The following MARCHF8 variants were observed in gnomAD, a reference collection of about 807,000 sequenced individuals.
The protein encoded by MARCHF8 is E3 ubiquitin-protein ligase MARCHF8.
In MARCHF8, 40 loss-of-function variants were observed where a neutral mutation model predicts 51.6. The observed-to-expected ratio is 0.77, with a 90% CI of 0.60 to 1.01. The LOEUF (loss-of-function observed/expected upper bound fraction) is 1.01, where lower values mean the gene tolerates loss of function less well. Among genes scored for constraint, MARCHF8 ranks in the 50% least tolerant of loss-of-function variants. MARCHF8 has a pLI of 0.00. For missense variants in MARCHF8, 685 were observed against 708.6 expected, an observed-to-expected ratio of 0.97 and a Z score of 0.38; for synonymous variants, 263 against 280.3, an observed-to-expected ratio of 0.94 and a Z score of 0.62.
At chr10:45,512,510 C>T (rs1452156859) in intron 2 of MARCHF8, among the ~76,000 whole-genome samples, 1 of 149,120 alleles carries the variant, frequency 6.7e-6, no homozygotes, top group East Asian at 2.0e-4. Flanking sequence ...GCCGCCCAGT[C>T]CGGGAGGTGA....
rs141816411 is a variant in MARCHF8 at position 45,554,870 on chromosome 10, T to C, written c.-78-21581A>G. Among the ~76,000 whole-genome samples, 670 of 151,922 alleles carry C rather than the reference T, an allele frequency of 4.4e-3. 4 individuals are homozygous for C. Among genetic ancestry groups the C allele is most frequent in the African/African-American group, 0.015 (639 of 41,450 alleles). ...AAGCGTTCAAGACCAGCCTGGCCGA[T>C]GTGATAAAACCCCGTCTCTACTAAA... On this transcript the variant is annotated intron_variant, in intron 1 of 6. Coordinates refer to the MARCHF8 transcript ENST00000319836.
chr10:45,470,618 T>A (rs1843142269), intron 3 of MARCHF8, among the ~76,000 whole-genome samples: 1 of 152,120 alleles, frequency 6.6e-6, no homozygotes, highest in Admixed American at 6.5e-5. Flanking sequence ...TGTGGGGACA[T>A]TTTTGGGGGC....
intron 1 of MARCHF8, among the ~76,000 whole-genome samples, chr10:45,590,769 A>G (rs2044670516): frequency 6.6e-6 from 1 of 152,232 alleles, no homozygotes; most frequent in African/African-American, 2.4e-5. Context: ...TATACCTGCA[A>G]TCCCAGCACT....
chr10:45,537,287 C>T (rs1010473626), upstream of MARCHF8, among the ~76,000 whole-genome samples: 1 of 152,086 alleles, frequency 6.6e-6, no homozygotes, highest in Non-Finnish European at 1.5e-5. Context: ...ATCCATTCAA[C>T]GGAATCATAT....
chr10:45,552,546 A>G (rs1032640332), intron 1 of MARCHF8, among the ~76,000 whole-genome samples: 5 of 145,038 alleles, frequency 3.4e-5, no homozygotes, highest in Non-Finnish European at 7.4e-5. Context: ...AGTTTATTTT[A>G]AATCCCTTTG....
chr10:45,486,830 ACGGAGTTTTG>A, intron 3 of MARCHF8, among the ~76,000 whole-genome samples: 1 of 117,076 alleles, frequency 8.5e-6, no homozygotes, highest in East Asian at 2.5e-4. Context: ...TTTTTTTGAG[ACGGAGTTTTG>A]CTCTTGTTGC....
upstream of MARCHF8, among the ~76,000 whole-genome samples, chr10:45,536,934 G>C (rs898481817): frequency 6.6e-6 from 1 of 150,972 alleles, no homozygotes. Context: ...AGCCATCATG[G>C]AAATACAAAT....
intron 2 of MARCHF8, among the ~76,000 whole-genome samples, chr10:45,518,223 C>G (rs1415472372): frequency 6.6e-6 from 1 of 152,112 alleles, no homozygotes; most frequent in Non-Finnish European, 1.5e-5. Flanking sequence ...GGTTATCAGG[C>G]AAGTCCTTCC....
intron 1 of MARCHF8, among the ~76,000 whole-genome samples, chr10:45,534,554 CA>C (rs2043944296): frequency 6.6e-6 from 1 of 152,122 alleles, no homozygotes; most frequent in South Asian, 2.1e-4. Flanking sequence ...TATACAAAAC[CA>C]ATTAAACGTA....
intron 2 of MARCHF8, among the ~76,000 whole-genome samples, chr10:45,511,328 G>A (rs1307422966): frequency 6.6e-6 from 1 of 152,088 alleles, no homozygotes; most frequent in East Asian, 1.9e-4. Flanking sequence ...GTCAATATAA[G>A]TCAGAATTCA....
At chr10:45,584,262 A>G (rs1184961518) in intron 1 of MARCHF8, among the ~76,000 whole-genome samples, 1 of 150,784 alleles carries the variant, frequency 6.6e-6, no homozygotes, top group Non-Finnish European at 1.5e-5. Flanking sequence ...TCATACAATA[A>G]AACACCATAC....
At chr10:45,477,202 G>GAA (rs963784777) in intron 3 of MARCHF8, among the ~76,000 whole-genome samples, 2 of 144,298 alleles carry the variant, frequency 1.4e-5, no homozygotes, top group African/African-American at 5.1e-5. Flanking sequence ...AGTGCTAAAA[G>GAA]AAAAAAAAAA....
At chr10:45,493,179 A>G (rs1456644138) in intron 2 of MARCHF8, among the ~76,000 whole-genome samples, 6 of 152,266 alleles carry the variant, frequency 3.9e-5, no homozygotes, top group Non-Finnish European at 8.8e-5. Flanking sequence ...CCCTGTAGTC[A>G]GAATGGCATC....
intron 1 of MARCHF8, among the ~76,000 whole-genome samples, chr10:45,578,962 C>T (rs191652251): frequency 1.1e-4 from 17 of 152,146 alleles, no homozygotes; most frequent in Admixed American, 4.6e-4. Flanking sequence ...AATTTCATGG[C>T]GATTCAGGAC....
At chr10:45,537,487 T>C (rs2043989397), upstream of MARCHF8, among the ~76,000 whole-genome samples, 1 of 151,686 alleles carries the variant, frequency 6.6e-6, no homozygotes, top group South Asian at 2.1e-4. Context: ...ACCACATCCC[T>C]ACAAAAAACT....
intron 2 of MARCHF8, among the ~76,000 whole-genome samples, chr10:45,504,894 T>C (rs2043351908): frequency 6.6e-6 from 1 of 152,206 alleles, no homozygotes; most frequent in Admixed American, 6.5e-5. Flanking sequence ...AGTAGGGGCT[T>C]ATACTGAGTG....
chr10:45,532,990 T>G, intron 2 of MARCHF8, 120 bp downstream of exon 2: 1 of 651,206 alleles, frequency 1.5e-6, no homozygotes, highest in Non-Finnish European at 2.3e-6. Context: ...CAACTATTTG[T>G]GTGCTTGTCA....
At chr10:45,498,840 T>C (rs985541783) in intron 2 of MARCHF8, among the ~76,000 whole-genome samples, 8 of 152,330 alleles carry the variant, frequency 5.3e-5, no homozygotes, top group South Asian at 4.1e-4. Context: ...ATTTTATTTA[T>C]TCATTCACCC....
chr10:45,585,720 A>C (rs2044611236), intron 1 of MARCHF8, among the ~76,000 whole-genome samples: 1 of 152,218 alleles, frequency 6.6e-6, no homozygotes, highest in Admixed American at 6.5e-5. Context: ...CATTCTATAC[A>C]TAATTTATAA....
Sources: gnomAD v4.1 joint callset for allele counts (sites outside exome capture counted in the v4.1 genomes callset) on GRCh38, gnomAD v4.1.1 for gene constraint, MANE v1.5 for transcripts, NCBI Gene and HGNC (gene_info 2026-07-23, HGNC 2026-07-21) for gene names.